Variants in VPS37C observed in about 807,000 individuals in gnomAD.
The protein encoded by VPS37C is VPS37C subunit of ESCRT-I.
A neutral mutation model predicts 16.1 loss-of-function variants in VPS37C; 9 were observed. The ratio of observed to expected loss-of-function variants is 0.56; its 90% CI spans 0.34 to 0.97. VPS37C has a LOEUF of 0.97. VPS37C is among the 50% of genes least tolerant of loss of function. The pLI is 0.02. For missense variants in VPS37C, 479 were observed against 472.7 expected, an observed-to-expected ratio of 1.01 and a Z score of -0.12; for synonymous variants, 207 against 206.4, an observed-to-expected ratio of 1.00 and a Z score of -0.02.
intron 1 of VPS37C, among the ~76,000 whole-genome samples, chr11:61,151,286 C>G (rs1323047378): frequency 1.3e-5 from 2 of 152,218 alleles, no homozygotes; most frequent in African/African-American, 4.8e-5. Context: ...CAGCATGATG[C>G]TGTCCTAACA....
chr11:61,134,149 T>C lies in VPS37C; in HGVS notation c.152A>G (p.Glu51Gly), dbSNP rs760630247. ...GGGACCCTGGAACTCCAAGTTCCGCTCTGCCAGGCTCCGGTTGGTGGCCAG... is the reference window on the plus strand; with the variant it reads ...GGGACCCTGGAACTCCAAGTTCCGCCCTGCCAGGCTCCGGTTGGTGGCCAG... Reference protein sequence around the residue: ...MALATNRSLAERNLEFQGPLE... With the variant: ...MALATNRSLAGRNLEFQGPLE... The change falls in exon 3 of 5, where the codon GAG becomes GGG. Residue 51 changes from glutamate (E) to glycine (G), a missense_variant. Physicochemically the swap from Glu to Gly is moderately conservative, Grantham distance 98. Transcript: ENST00000301765. 3 of 1,613,896 alleles carry C rather than the reference T, an allele frequency of 1.9e-6. No homozygotes were observed. Among genetic ancestry groups the C allele is most frequent in the Admixed American group, 1.7e-5 (1 of 59,996 alleles).
intron 1 of VPS37C, among the ~76,000 whole-genome samples, chr11:61,150,552 G>GTTT (rs139641666): frequency 6.3e-5 from 8 of 127,936 alleles, no homozygotes; most frequent in Non-Finnish European, 6.3e-5. Flanking sequence ...TTTCAAAGGA[G>GTTT]TTTTGTTTTT....
chr11:61,158,960 T>C (rs1424299556), intron 1 of VPS37C, among the ~76,000 whole-genome samples: 1 of 152,164 alleles, frequency 6.6e-6, no homozygotes, highest in African/African-American at 2.4e-5. Flanking sequence ...ACCAAAACCT[T>C]GTGGAAACGC....
intron 2 of VPS37C, among the ~76,000 whole-genome samples, chr11:61,136,126 G>A (rs965099880): frequency 2.6e-5 from 4 of 151,022 alleles, no homozygotes; most frequent in Non-Finnish European, 5.9e-5. Flanking sequence ...TACTCAAGGT[G>A]ATGGAGACCC....
In VPS37C at chr11:61,131,549, G is replaced by A. The variant is rs1362865884; in HGVS notation, c.*271C>T. 3.1e-5 allele frequency: 12 copies of A among 391,594 alleles called. No homozygotes were observed. The highest frequency in any genetic ancestry group is 4.0e-5 in the Non-Finnish European group (9 of 225,768). The allele number at this position is 391,594 out of a possible 1,614,324, so 24.3% of individuals were successfully genotyped here. A position where few individuals can be genotyped will look rare whatever the true frequency, so the allele number is the denominator to read the frequency against. ...ACATGCGCTCACTCACACAGACACC[G>A]GCGAGAGGTGCTGGACTCCAGCCTG... On this transcript the variant is annotated 3_prime_UTR_variant, in exon 5 of 5. Transcript: ENST00000301765.
Position 61,154,868 on chromosome 11 carries a change from G to A in VPS37C, c.-7+6523C>T, listed in dbSNP as rs375230602. On this transcript the variant is annotated intron_variant, in intron 1 of 4. Transcript: ENST00000301765. ...ACCTGCAATCTCAGCACTTTGGAAG[G>A]CCGAGGTGGGAGGATCGCTTGAGCC... is the stretch of plus-strand genomic sequence containing the variant. 5.3e-5 allele frequency among the ~76,000 whole-genome samples: 8 copies of A among 152,282 alleles called. No homozygotes were observed. In the East Asian group the frequency reaches 9.7e-4, roughly 18 times the overall value.
intron 1 of VPS37C, among the ~76,000 whole-genome samples, chr11:61,141,436 G>A (rs1384060662): frequency 1.3e-5 from 2 of 151,716 alleles, no homozygotes; most frequent in Non-Finnish European, 2.9e-5. Context: ...GCCTGCAGAT[G>A]GCCTGGGCTG....
chr11:61,157,901 CAT>C (rs1461688109), intron 1 of VPS37C, among the ~76,000 whole-genome samples: 2 of 152,192 alleles, frequency 1.3e-5, no homozygotes, highest in Admixed American at 1.3e-4. Context: ...TCTTAGTTCA[CAT>C]GAGAGCTGGC....
chr11:61,142,916 G>C (rs533104113), intron 1 of VPS37C, among the ~76,000 whole-genome samples: 4 of 125,562 alleles, frequency 3.2e-5, no homozygotes, highest in Non-Finnish European at 4.7e-5. Flanking sequence ...TAACTAACCT[G>C]CACAATGTGC....
chr11:61,145,620 G>C (rs1223657740), intron 1 of VPS37C, among the ~76,000 whole-genome samples: 1 of 152,232 alleles, frequency 6.6e-6, no homozygotes, highest in African/African-American at 2.4e-5. Flanking sequence ...GGGAGAACAG[G>C]AAACTCTTTT....
intron 1 of VPS37C, chr11:61,145,033 T>C (rs1325090069): frequency 6.6e-6 from 1 of 152,230 alleles, no homozygotes. Context: ...AACCCTTACA[T>C]GGCTCTTTTC....
Position 61,131,824 on chromosome 11 carries a change from T to C in VPS37C, c.1064A>G (p.Tyr355Cys). Residue 355 changes from tyrosine to cysteine, a missense_variant, in exon 5 of 5, where the codon TAT becomes TGT. By Grantham distance (194) the Tyr-to-Cys change is radical. Coordinates refer to ENST00000301765, the MANE Select transcript of VPS37C (RefSeq NM_017966.5). ...GGCCGAGGGCCAGGAGTGTGTCTAA[T>C]ACCCAGGCCAGGCAGGCCCCGGCGG... The part of the protein sequence containing the change: ...PPPPGPAWPG[Y>C] 8.0e-7 allele frequency: 1 copy of C among 1,257,062 alleles called. No individual in the cohort carries two copies. The highest frequency in any genetic ancestry group is 1.0e-6 in the Non-Finnish European group (1 of 997,556). 77.9% of individuals were successfully genotyped at this position (1,257,062 alleles called of 1,614,324 possible). A position where few individuals can be genotyped will look rare whatever the true frequency, so the allele number is the denominator to read the frequency against.
chr11:61,149,120 C>T (rs1194704090), intron 1 of VPS37C, among the ~76,000 whole-genome samples: 2 of 152,196 alleles, frequency 1.3e-5, no homozygotes, highest in Non-Finnish European at 2.9e-5. Context: ...TATTTATCTA[C>T]TAAAAATACA....
Position 61,133,321 on chromosome 11 carries a change from T to G in VPS37C, c.282A>C (p.Ala94=). 6.2e-7 allele frequency: 1 copy of G among 1,614,082 alleles called. No individual in the cohort carries two copies. The highest frequency in any genetic ancestry group is 1.1e-5 in the South Asian group (1 of 91,064). ...GGTCTAACAAGGTCCCTGGCTGCAG[T>G]GCTGAAGAAAATTTCTCTGGAAGGG... ...QKAKLEKFSS[A]LQPGTLLDLL... is the part of the protein sequence containing the mutation. The change falls in exon 4 of 5, where the codon GCA becomes GCC. Residue 94 remains alanine (A), a synonymous_variant. Transcript: ENST00000301765.
chr11:61,153,099 G>A (rs1241559828), intron 1 of VPS37C, among the ~76,000 whole-genome samples: 1 of 152,190 alleles, frequency 6.6e-6, no homozygotes, highest in East Asian at 1.9e-4. Flanking sequence ...GCACATATAA[G>A]GTGATATGGT....
At chr11:61,143,095 TA>T (rs1861501686) in intron 1 of VPS37C, among the ~76,000 whole-genome samples, 1 of 151,196 alleles carries the variant, frequency 6.6e-6, no homozygotes, top group South Asian at 2.1e-4. Context: ...TCTCAATCTG[TA>T]AAACAGAGCG....
At chr11:61,150,959 A>T (rs1413264008) in intron 1 of VPS37C, among the ~76,000 whole-genome samples, 1 of 152,152 alleles carries the variant, frequency 6.6e-6, no homozygotes, top group Admixed American at 6.5e-5. Context: ...TGTTCCGTAC[A>T]CAGCAACTAA....
chr11:61,143,537 T>A (rs1861510460), intron 1 of VPS37C: 1 of 151,442 alleles, frequency 6.6e-6, no homozygotes, highest in African/African-American at 2.4e-5. Context: ...GCCTGGCTAA[T>A]TTTTGTATTT....
chr11:61,139,952 A>G (rs1284675870), intron 1 of VPS37C, among the ~76,000 whole-genome samples: 1 of 152,162 alleles, frequency 6.6e-6, no homozygotes, highest in African/African-American at 2.4e-5. Flanking sequence ...TATTTTGACC[A>G]GGCTGGTCTC....
Sources: allele counts gnomAD v4.1 joint callset (sites outside exome capture counted in the v4.1 genomes callset), GRCh38; gene constraint gnomAD v4.1.1; transcripts MANE v1.5; gene names NCBI Gene and HGNC (gene_info 2026-07-23, HGNC 2026-07-21).